The following AOPEP variants were observed in gnomAD, a reference collection of about 807,000 sequenced individuals.
AOPEP encodes the protein aminopeptidase O.
AOPEP carries 77 observed loss-of-function variants against 98.1 expected under a neutral mutation model. That is an observed-to-expected ratio of 0.78 (90% CI 0.65 to 0.95). AOPEP has a LOEUF of 0.95. AOPEP is among the 40% of genes least tolerant of loss of function. The probability of loss-of-function intolerance (pLI) is 0.00; values close to 1 mark genes in which losing one functional copy is unlikely to be tolerated. For synonymous variants in AOPEP, 346 were observed against 365.3 expected, an observed-to-expected ratio of 0.95 and a Z score of 0.60; for missense variants, 1,024 against 1,024.7, an observed-to-expected ratio of 1.00 and a Z score of 0.01.
chr9:94,884,404 T>C (rs150918030), intron 5 of AOPEP, among the ~76,000 whole-genome samples: 1 of 152,294 alleles, frequency 6.6e-6, no homozygotes, highest in East Asian at 1.9e-4. Context: ...GAAAATGAGA[T>C]GCTGTTAGCC....
chr9:95,140,088 C>A, the AOPEP span, among the ~76,000 whole-genome samples: 1 of 151,902 alleles, frequency 6.6e-6, no homozygotes, highest in Non-Finnish European at 1.5e-5. Context: ...CAAATCCCTA[C>A]CTAATAATTG....
At chr9:95,105,729 T>C in the AOPEP span, among the ~76,000 whole-genome samples, 1 of 152,260 alleles carries the variant, frequency 6.6e-6, no homozygotes, top group African/African-American at 2.4e-5. Context: ...AAGTGACTCA[T>C]ACAACATCCT....
intron 13 of AOPEP, among the ~76,000 whole-genome samples, chr9:95,027,288 A>G (rs942033973): frequency 6.6e-6 from 1 of 152,208 alleles, no homozygotes; most frequent in African/African-American, 2.4e-5. Context: ...AAAATAAAAT[A>G]GAATAATAAA....
the AOPEP span, among the ~76,000 whole-genome samples, chr9:95,141,345 T>TGAGG: frequency 6.9e-6 from 1 of 144,660 alleles, no homozygotes; most frequent in African/African-American, 2.6e-5. Flanking sequence ...AAAAAGGATG[T>TGAGG]GAGGAAGTCT....
intron 7 of AOPEP, chr9:94,932,271 T>G: frequency 1.0e-6 from 1 of 984,734 alleles, no homozygotes; most frequent in Non-Finnish European, 1.2e-6. Flanking sequence ...CTTATTATTT[T>G]AAAAGACATT....
rs2060143152 is a variant in AOPEP, at chr9:94,980,942, T to A, written c.1977+1515T>A. 6.6e-6 allele frequency among the ~76,000 whole-genome samples: 1 copy of A among 152,220 alleles called. No homozygotes were observed. Among genetic ancestry groups the A allele is most frequent in the Non-Finnish European group, 1.5e-5 (1 of 68,036 alleles). On this transcript the variant is annotated intron_variant, in intron 11 of 16. Coordinates refer to ENST00000375315, the MANE Select transcript of AOPEP (RefSeq NM_001193329.3). This position sits in a 1 kb window ranked among gnomAD's most constrained non-coding sequence, Gnocchi z 4.3. Reference sequence around the variant, plus strand: ...GGGGGACATTTGCTGAAGTTTGCCTTGTGATCCTAAGCCAGGCTGTTACAA... The same window carrying A: ...GGGGGACATTTGCTGAAGTTTGCCTAGTGATCCTAAGCCAGGCTGTTACAA...
intron 13 of AOPEP, among the ~76,000 whole-genome samples, chr9:95,055,026 T>G (rs1268172409): frequency 6.6e-6 from 1 of 152,232 alleles, no homozygotes; most frequent in Non-Finnish European, 1.5e-5. Flanking sequence ...AAGTTTTTGC[T>G]TCAACATATA....
the AOPEP span, among the ~76,000 whole-genome samples, chr9:95,104,030 C>T: frequency 3.9e-5 from 6 of 152,280 alleles, no homozygotes; most frequent in African/African-American, 1.2e-4. Context: ...GAGACCCAAG[C>T]TGTAGGAGGG....
chr9:95,100,636 A>C, the AOPEP span: 229 of 229,834 alleles, frequency 1.0e-3, no homozygotes, highest in African/African-American at 4.6e-3. Context: ...TTACACTAAC[A>C]ATGCCTTTTT....
At chr9:94,838,288 G>A (rs151036747) in intron 5 of AOPEP, among the ~76,000 whole-genome samples, 29 of 152,286 alleles carry the variant, frequency 1.9e-4, no homozygotes, top group South Asian at 4.2e-4. Flanking sequence ...GGTTACAGGC[G>A]TGAGCCACTG....
At chr9:95,084,646 C>T (rs537432087) in intron 16 of AOPEP, among the ~76,000 whole-genome samples, 14 of 152,350 alleles carry the variant, frequency 9.2e-5, no homozygotes, top group East Asian at 1.9e-4. Context: ...GCACACCCCT[C>T]GCCACTCTTT....
intron 1 of AOPEP, among the ~76,000 whole-genome samples, chr9:94,758,473 AG>A (rs1484662389): frequency 6.6e-6 from 1 of 152,204 alleles, no homozygotes; most frequent in African/African-American, 2.4e-5. Context: ...AGATTCTAGA[AG>A]GAAAGGAAAT....
intron 14 of AOPEP, 40 bp from the exon 15 acceptor site, chr9:95,080,654 G>C (rs1261571469): frequency 1.3e-6 from 2 of 1,517,026 alleles, no homozygotes; most frequent in South Asian, 2.3e-5. Context: ...TGGGATGCCT[G>C]CCTGCTTGTC....
intron 2 of AOPEP, among the ~76,000 whole-genome samples, chr9:94,772,003 G>A (rs888518952): frequency 2.6e-5 from 4 of 152,106 alleles, no homozygotes. Flanking sequence ...CCATCTTTCT[G>A]TGTTTTCTCG....
chr9:95,142,828 T>C, the AOPEP span, among the ~76,000 whole-genome samples: 39 of 152,262 alleles, frequency 2.6e-4, no homozygotes, highest in South Asian at 7.9e-3. Flanking sequence ...TAGAAGCTGT[T>C]TTTACTCACA....
chr9:95,095,677 T>TG, the AOPEP span, among the ~76,000 whole-genome samples: 1 of 152,112 alleles, frequency 6.6e-6, no homozygotes, highest in East Asian at 1.9e-4. Flanking sequence ...GGGAGATGCG[T>TG]GGGGGGTCCC....
At chr9:95,099,471 C>T in the AOPEP span, 13 of 226,166 alleles carry the variant, frequency 5.7e-5, no homozygotes, top group Admixed American at 4.1e-4. Flanking sequence ...CATTCCTTCC[C>T]GGTGGCACCT....
chr9:94,738,984 T>A (rs1453616076), intron 1 of AOPEP, among the ~76,000 whole-genome samples: 3 of 152,200 alleles, frequency 2.0e-5, no homozygotes, highest in Non-Finnish European at 4.4e-5. Flanking sequence ...TCAGAAAGTG[T>A]CTATTAAGCA....
At chr9:95,059,551 G>C (rs1026167061) in intron 13 of AOPEP, among the ~76,000 whole-genome samples, 1 of 151,950 alleles carries the variant, frequency 6.6e-6, no homozygotes, top group Non-Finnish European at 1.5e-5. Context: ...AAGGGGGTAG[G>C]GGGTAGGGAG....
Sources: allele counts gnomAD v4.1 joint callset (sites outside exome capture counted in the v4.1 genomes callset), GRCh38; gene constraint gnomAD v4.1.1; non-coding constraint Gnocchi (gnomAD v3.1); transcripts MANE v1.5; gene names NCBI Gene and HGNC (gene_info 2026-07-23, HGNC 2026-07-21).